Variants in SLC22A24 observed in about 807,000 individuals in gnomAD.
SLC22A24 encodes the protein solute carrier family 22 member 24.
Under a neutral mutation model 49.8 loss-of-function variants are expected in SLC22A24, and 53 were observed. The observed-to-expected ratio is 1.06, with a 90% confidence interval of 0.85 to 1.34. The LOEUF (loss-of-function observed/expected upper bound fraction) is 1.34, where lower values mean the gene tolerates loss of function less well. SLC22A24 is among the 40% of genes most tolerant of loss of function. The probability of loss-of-function intolerance (pLI) is 0.00; values close to 1 mark genes in which losing one functional copy is unlikely to be tolerated. For synonymous variants in SLC22A24, 302 were observed against 256.4 expected (o/e 1.18, Z -1.70); for missense variants, 786 against 675.9 (o/e 1.16, Z -1.81).
At chr11:63,119,806 T>A (rs2087238577) in intron 2 of SLC22A24, among the ~76,000 whole-genome samples, 1 of 152,142 alleles carries the variant, frequency 6.6e-6, no homozygotes, top group Non-Finnish European at 1.5e-5. Context: ...GCAGATAGGC[T>A]GCATAACAAT....
chr11:63,114,886 G>A lies in SLC22A24; in HGVS notation c.830+4026C>T, dbSNP rs184094821. 2.4e-3 allele frequency among the ~76,000 whole-genome samples: 373 copies of A among 152,270 alleles called. 1 individual carries two copies. Among genetic ancestry groups the A allele is most frequent in the African/African-American group, 8.2e-3 (340 of 41,558 alleles). On this transcript the variant is annotated intron_variant, in intron 4 of 9. Coordinates refer to ENST00000612278, the MANE Select transcript of SLC22A24 (RefSeq NM_001136506.2). The stretch of plus-strand genomic sequence containing the variant: ...CCTGTTTGCCTGGGTATCACCAGTG[G>A]AGGTTTTGCAGAACAGCAAATATTG...
intron 4 of SLC22A24, among the ~76,000 whole-genome samples, chr11:63,117,078 T>C (rs2087217614): frequency 6.6e-6 from 1 of 152,244 alleles, no homozygotes; most frequent in South Asian, 2.1e-4. Context: ...ATCTGGCTTG[T>C]CAGGTATAGT....
intron 5 of SLC22A24, among the ~76,000 whole-genome samples, chr11:63,101,435 G>T (rs944294314): frequency 2.6e-5 from 4 of 151,796 alleles, no homozygotes; most frequent in African/African-American, 9.7e-5. Flanking sequence ...ATTATACTAG[G>T]TAAGTGTTAA....
chr11:63,107,965 A>C (rs1265591986), intron 4 of SLC22A24, among the ~76,000 whole-genome samples: 2 of 152,072 alleles, frequency 1.3e-5, no homozygotes, highest in Non-Finnish European at 2.9e-5. Context: ...AACTTCCAAC[A>C]CTATGTTGAA....
intron 6 of SLC22A24, among the ~76,000 whole-genome samples, chr11:63,093,960 A>T (rs571829259): frequency 7.1e-6 from 1 of 140,136 alleles, no homozygotes; most frequent in East Asian, 2.1e-4. Flanking sequence ...ATATGGAACA[A>T]CCAAAATTCT....
intron 5 of SLC22A24, among the ~76,000 whole-genome samples, chr11:63,098,820 C>G (rs1474965278): frequency 6.6e-6 from 1 of 151,704 alleles, no homozygotes; most frequent in African/African-American, 2.4e-5. Context: ...GAAAACAATA[C>G]AAAAAATGAA....
chr11:63,139,670 C>T (rs1312304964), intron 1 of SLC22A24, among the ~76,000 whole-genome samples: 1 of 152,158 alleles, frequency 6.6e-6, no homozygotes, highest in Non-Finnish European at 1.5e-5. Flanking sequence ...GGTAAAAGCA[C>T]CACACTGACT....
At chr11:63,089,900 T>A (rs1490348661) in intron 6 of SLC22A24, among the ~76,000 whole-genome samples, 1 of 151,534 alleles carries the variant, frequency 6.6e-6, no homozygotes, top group Admixed American at 6.6e-5. Flanking sequence ...GCTAACACGG[T>A]GAAACCCCGT....
intron 5 of SLC22A24, among the ~76,000 whole-genome samples, chr11:63,102,440 T>C (rs2087097116): frequency 4.6e-5 from 7 of 152,134 alleles, no homozygotes; most frequent in Admixed American, 4.6e-4. Context: ...CTGTCACCCA[T>C]CTCAGCAGGA....
At chr11:63,090,663 C>A (rs201141676) in intron 6 of SLC22A24, among the ~76,000 whole-genome samples, 1 of 138,030 alleles carries the variant, frequency 7.2e-6, no homozygotes. Flanking sequence ...ACTTAAAGTA[C>A]AATAAATAAA....
chr11:63,114,983 A>T (rs923310997), intron 4 of SLC22A24, among the ~76,000 whole-genome samples: 5 of 152,142 alleles, frequency 3.3e-5, no homozygotes, highest in Non-Finnish European at 7.4e-5. Flanking sequence ...GTCAGCCCCT[A>T]CTGGGAGGTG....
intron 4 of SLC22A24, among the ~76,000 whole-genome samples, chr11:63,112,683 C>G (rs1027978995): frequency 1.3e-5 from 2 of 152,006 alleles, no homozygotes; most frequent in Non-Finnish European, 2.9e-5. Context: ...TCTTGCTTCT[C>G]TAGTTCTTTC....
chr11:63,098,081 T>A (rs2087066889), intron 5 of SLC22A24, among the ~76,000 whole-genome samples: 1 of 152,214 alleles, frequency 6.6e-6, no homozygotes, highest in Non-Finnish European at 1.5e-5. Flanking sequence ...GAACTTAAAT[T>A]ATAATTTAAA....
At chr11:63,092,095 C>A (rs929058097) in intron 6 of SLC22A24, among the ~76,000 whole-genome samples, 1 of 151,990 alleles carries the variant, frequency 6.6e-6, no homozygotes, top group Non-Finnish European at 1.5e-5. Context: ...ACAAGCATTC[C>A]TATACACCAA....
rs139235143 is a variant in SLC22A24 at position 63,101,091 on chromosome 11, T to C, written c.954+3084A>G. On this transcript the variant is annotated intron_variant, in intron 5 of 9. Coordinates refer to ENST00000612278, the MANE Select transcript of SLC22A24 (RefSeq NM_001136506.2). ...AAAAGCTTCTGCACAGTAAAAGATA[T>C]AATCAACAAGGTAAAGAGACAGCCT... is the stretch of plus-strand genomic sequence containing the variant. 5.1e-4 allele frequency among the ~76,000 whole-genome samples: 78 copies of C among 152,106 alleles called. 1 individual carries two copies. The highest frequency in any genetic ancestry group is 1.6e-3 in the African/African-American group (66 of 41,524).
chr11:63,085,251 A>G (rs1278828363), intron 6 of SLC22A24, among the ~76,000 whole-genome samples: 2 of 152,160 alleles, frequency 1.3e-5, no homozygotes, highest in Non-Finnish European at 2.9e-5. Context: ...ATAAATACCA[A>G]TGTAGCAACG....
intron 5 of SLC22A24, 151 bp downstream of exon 5, chr11:63,104,024 C>A: frequency 1.5e-6 from 1 of 645,284 alleles, no homozygotes; most frequent in Non-Finnish European, 2.4e-6. Context: ...AAATCTTTGA[C>A]AGGAGGAAAG....
chr11:63,101,354 A>G (rs1460386305), intron 5 of SLC22A24, among the ~76,000 whole-genome samples: 1 of 151,848 alleles, frequency 6.6e-6, no homozygotes, highest in Non-Finnish European at 1.5e-5. Flanking sequence ...AATTAATGCT[A>G]CTCTTCAAAA....
At chr11:63,113,296 A>G (rs1394275009) in intron 4 of SLC22A24, among the ~76,000 whole-genome samples, 4 of 149,920 alleles carry the variant, frequency 2.7e-5, no homozygotes, top group Non-Finnish European at 5.9e-5. Flanking sequence ...TCCTGTCGTT[A>G]TTATGTTAGC....
Sources: allele counts gnomAD v4.1 joint callset (sites outside exome capture counted in the v4.1 genomes callset), GRCh38; gene constraint gnomAD v4.1.1; transcripts MANE v1.5; gene names NCBI Gene and HGNC (gene_info 2026-07-23, HGNC 2026-07-21).